Variants in CYREN observed in about 807,000 individuals in gnomAD.
CYREN encodes cell cycle regulator of non-homologous end joining.
In CYREN, 7 loss-of-function variants were observed where a neutral mutation model predicts 9.7. The ratio of observed to expected loss-of-function variants is 0.72; its 90% CI spans 0.41 to 1.36. CYREN has a LOEUF of 1.36. Ranked by LOEUF, CYREN falls within the 40% of genes most tolerant of loss-of-function variation. The pLI is 0.01. For synonymous variants in CYREN, 76 were observed against 77.9 expected (o/e 0.98, Z 0.13); for missense variants, 215 against 198.1 (o/e 1.09, Z -0.51).
chr7:135,147,796 T>C (rs1045654137), intron 2 of CYREN: 4 of 456,266 alleles, frequency 8.8e-6, no homozygotes. Context: ...AAATTCCGGG[T>C]TGTGTTTATC....
chr7:135,166,708 T>A lies in CYREN; in HGVS notation c.377A>T (p.Gln126Leu), dbSNP rs749225790. The A allele has an allele frequency of 6.2e-7, 1 of 1,613,376 alleles. No homozygotes were observed. Among genetic ancestry groups the A allele is most frequent in the African/African-American group, 1.3e-5 (1 of 74,930 alleles). ...GGCAGAGCTGGAACCCCCCGGCCTC[T>A]GGGAAGGGCTGAGGCCTGGAGCCAG... ...QALAPGLSPSQRPGGSSSACS... is the reference protein window; with the variant it reads ...QALAPGLSPSLRPGGSSSACS... The change falls in exon 4 of 4, where the codon CAG (glutamine) becomes CTG (leucine). Residue 126 changes from glutamine (Q) to leucine (L), a missense_variant. By Grantham distance (113) the Gln-to-Leu change is moderately radical. Transcript: ENST00000393114.
intron 1 of CYREN, among the ~76,000 whole-genome samples, chr7:135,169,818 A>G (rs911680889): frequency 6.6e-6 from 1 of 152,244 alleles, no homozygotes; most frequent in African/African-American, 2.4e-5. Flanking sequence ...GCCCAAAAAA[A>G]AGAGTAGTCA....
At chr7:135,123,466 G>A (rs4732101) in intron 2 of CYREN, among the ~76,000 whole-genome samples, 141,673 of 152,252 alleles carry the variant, frequency 0.93, 66,701 homozygotes, top group Non-Finnish European at 1. Flanking sequence ...TGGAAAACAC[G>A]CTTTATGATA....
At chr7:135,103,187 T>C (rs1824117306) in intron 2 of CYREN, among the ~76,000 whole-genome samples, 4 of 152,150 alleles carry the variant, frequency 2.6e-5, no homozygotes. Context: ...TTCACCTGCC[T>C]AGATTTTCTG....
chr7:135,097,722 A>G (rs1823122302), intron 2 of CYREN, among the ~76,000 whole-genome samples: 2 of 152,112 alleles, frequency 1.3e-5, no homozygotes, highest in African/African-American at 4.8e-5. Context: ...TTCTGACTTT[A>G]TGGAAATGGA....
intron 2 of CYREN, among the ~76,000 whole-genome samples, chr7:135,150,098 T>C (rs1318536265): frequency 1.3e-5 from 2 of 152,230 alleles, no homozygotes; most frequent in Non-Finnish European, 1.5e-5. Flanking sequence ...TTGATTTTTT[T>C]ATCTGGTTTT....
intron 2 of CYREN, among the ~76,000 whole-genome samples, chr7:135,096,153 A>C (rs1011827890): frequency 6.6e-6 from 1 of 151,006 alleles, no homozygotes; most frequent in African/African-American, 2.4e-5. Flanking sequence ...CTCTCTCTCA[A>C]AAAAAAAAAA....
At chr7:135,168,560 G>C in intron 2 of CYREN, 1 of 581,582 alleles carries the variant, frequency 1.7e-6, no homozygotes, top group East Asian at 3.1e-5. Flanking sequence ...GCTGAGGGCA[G>C]GGCACTCACC....
At chr7:135,168,602 G>A (rs917292663) in intron 2 of CYREN, 184 bp downstream of exon 2, 7 of 878,370 alleles carry the variant, frequency 8.0e-6, no homozygotes, top group South Asian at 1.8e-5. Flanking sequence ...GCCTGTCCTC[G>A]AGGGTTAACC....
downstream of CYREN, chr7:135,164,498 C>A (rs143558708): frequency 1.2e-4 from 201 of 1,612,630 alleles, no homozygotes; most frequent in Admixed American, 4.8e-4. Context: ...GCATCATAGT[C>A]CTCGTGATTG....
chr7:135,159,732 T>C lies in CYREN; in HGVS notation n.356+9017A>G, dbSNP rs1173877709. Among the ~76,000 whole-genome samples, 4 of 152,216 alleles carry C rather than the reference T, an allele frequency of 2.6e-5. No homozygotes were observed. The East Asian group carries it at 7.7e-4, about 29-fold the overall frequency. On this transcript the variant is annotated intron_variant and non_coding_transcript_variant, in intron 2 of 2. Transcript: ENST00000459937. The stretch of plus-strand genomic sequence containing the variant: ...ACAAAAACTGAAACTCAAAATTATT[T>C]TTAAAATAGCAAAAGAACTGACAGC...
At chr7:135,171,600 G>A (rs917875951), upstream of CYREN, among the ~76,000 whole-genome samples, 1 of 152,196 alleles carries the variant, frequency 6.6e-6, no homozygotes, top group Non-Finnish European at 1.5e-5. Flanking sequence ...TTAGTGTTGT[G>A]AGCTCTTAAA....
chr7:135,134,562 C>T (rs1306067289), intron 2 of CYREN, among the ~76,000 whole-genome samples: 1 of 151,902 alleles, frequency 6.6e-6, no homozygotes, highest in East Asian at 1.9e-4. Flanking sequence ...AGGTAAGGAG[C>T]TGGGGCCCAG....
Position 135,170,545 on chromosome 7 carries a change from T to A in CYREN, c.-139+107A>T, listed in dbSNP as rs1337473535. On this transcript the variant is annotated intron_variant, in intron 1 of 3. Coordinates refer to ENST00000393114, the MANE Select transcript of CYREN (RefSeq NM_024033.4). ...GCCGCGCGCTCCTCCGGCCGGCTAC[T>A]GGCTTCCCTGCTCTCAGGTTCCCGT... 2.0e-5 allele frequency: 3 copies of A among 152,342 alleles called. No homozygotes were observed. In the East Asian group the frequency reaches 5.8e-4, roughly 29 times the overall value. The allele number at this position is 152,342 out of a possible 1,614,324, so 9.4% of individuals were successfully genotyped here. A position where few individuals can be genotyped will look rare whatever the true frequency, so the allele number is the denominator to read the frequency against.
At chr7:135,146,747 G>A (rs1335046270) in intron 2 of CYREN, among the ~76,000 whole-genome samples, 3 of 152,142 alleles carry the variant, frequency 2.0e-5, no homozygotes, top group Admixed American at 6.5e-5. Context: ...ACCAATCCAA[G>A]CATGTTATTT....
chr7:135,113,079 C>T (rs888301530), intron 2 of CYREN, among the ~76,000 whole-genome samples: 1 of 152,182 alleles, frequency 6.6e-6, no homozygotes, highest in African/African-American at 2.4e-5. Context: ...ACCCGGCCTA[C>T]ATTCAGTGAA....
intron 2 of CYREN, among the ~76,000 whole-genome samples, chr7:135,098,018 T>A (rs1296583876): frequency 1.9e-4 from 29 of 152,142 alleles, no homozygotes; most frequent in Non-Finnish European, 2.9e-5. Context: ...AGATAATCTA[T>A]CTATAAACAG....
intron 2 of CYREN, among the ~76,000 whole-genome samples, chr7:135,139,259 T>TA (rs2117391605): frequency 6.6e-6 from 1 of 151,786 alleles, no homozygotes; most frequent in African/African-American, 2.4e-5. Flanking sequence ...AGTTTTTTTT[T>TA]ACTTTAACAA....
chr7:135,133,244 C>G (rs7797986), intron 2 of CYREN, among the ~76,000 whole-genome samples: 73,821 of 152,084 alleles, frequency 0.49, 18,279 homozygotes, highest in South Asian at 0.66. Context: ...TACAGGGTTT[C>G]TATGCTGAAA....
Sources: allele counts gnomAD v4.1 joint callset (sites outside exome capture counted in the v4.1 genomes callset), GRCh38; gene constraint gnomAD v4.1.1; transcripts MANE v1.5; gene names NCBI Gene and HGNC (gene_info 2026-07-23, HGNC 2026-07-21).